JPH2: variants seen among roughly 807,000 people sequenced by gnomAD.
JPH2 encodes junctophilin 2.
Under a neutral mutation model 55.9 loss-of-function variants are expected in JPH2, and 38 were observed. The observed-to-expected ratio is 0.68, with a 90% CI of 0.52 to 0.89. The LOEUF (loss-of-function observed/expected upper bound fraction) is 0.89. Among genes scored for constraint, JPH2 ranks in the 40% least tolerant of loss-of-function variants. The pLI, the probability that JPH2 is intolerant of heterozygous loss-of-function variation, is 0.00. For missense variants in JPH2, 964 were observed against 1,037.6 expected, an observed-to-expected ratio of 0.93 and a Z score of 0.97; for synonymous variants, 480 against 472.4, an observed-to-expected ratio of 1.02 and a Z score of -0.21.
intron 1 of JPH2, among the ~76,000 whole-genome samples, chr20:44,168,721 G>A (rs756070376): frequency 6.6e-6 from 1 of 152,212 alleles, no homozygotes. Context: ...CAAGTTAAAA[G>A]TTCCAAAATT....
At chr20:44,145,994 T>C (rs1373743741) in intron 2 of JPH2, among the ~76,000 whole-genome samples, 1 of 151,952 alleles carries the variant, frequency 6.6e-6, no homozygotes, top group African/African-American at 2.4e-5. Flanking sequence ...CACTCCAAGG[T>C]TGGAAGGCCT....
At chr20:44,164,446 A>G (rs1009794038) in intron 1 of JPH2, among the ~76,000 whole-genome samples, 1 of 152,240 alleles carries the variant, frequency 6.6e-6, no homozygotes, top group African/African-American at 2.4e-5. Context: ...AAATAAGACA[A>G]CAAAAAATGG....
chr20:44,110,198 GCCC>G lies in JPH2; in HGVS notation c.*3317_*3319del, dbSNP rs988291571. On this transcript the variant is annotated 3_prime_UTR_variant, in exon 6 of 6. Coordinates refer to ENST00000372980, the MANE Select transcript of JPH2 (RefSeq NM_020433.5). ...AAGTGAGTTCAATACAGCCACCCCT[GCCC>G]CCAACTCATCCAACACACACACATA... 1.1e-4 allele frequency among the ~76,000 whole-genome samples: 17 copies of G among 151,736 alleles called. No homozygotes were observed. The highest frequency in any genetic ancestry group is 4.1e-4 in the African/African-American group (17 of 41,284).
chr20:44,115,877 C>T lies in JPH2; in HGVS notation c.1798G>A (p.Ala600Thr), dbSNP rs777312604. Residue 600 changes from alanine (A) to threonine (T), a missense_variant, in exon 4 of 6, where the codon GCC (alanine) becomes ACC (threonine). By Grantham distance (58) the Ala-to-Thr change is moderately conservative. Transcript: ENST00000372980. ...SGSESAPSSP[A>T]TAPLQAPTLR... ...GTGGGGGCCTGCAGCGGGGCGGTGG[C>T]CGGGGACGAGGGCGCGGACTCGGAC... 2.5e-6 allele frequency: 4 copies of T among 1,583,630 alleles called. No homozygotes were observed. The South Asian group carries it at 3.3e-5, about 13-fold the overall frequency.
rs546388543 is a variant in JPH2 at position 44,161,888 on chromosome 20, C to T, written c.380-1481G>A. ...CCCCAAATATATCCCCAACCCCTCC[C>T]TCTCCCTTCGGTAGCTCCAGATGTC... On this transcript the variant is annotated intron_variant, in intron 1 of 5. Transcript: ENST00000372980. Among the ~76,000 whole-genome samples, 4 of 152,268 alleles carry T rather than the reference C, an allele frequency of 2.6e-5. No homozygotes were observed. In the South Asian group the frequency reaches 8.3e-4, roughly 32 times the overall value.
chr20:44,177,797 C>T (rs2072747105), intron 1 of JPH2: 2 of 1,548,438 alleles, frequency 1.3e-6, no homozygotes, highest in Non-Finnish European at 1.8e-6. Context: ...AAATATCCTC[C>T]CGAAGACAGT....
chr20:44,114,275 A>G (rs1390958692), intron 5 of JPH2, among the ~76,000 whole-genome samples: 1 of 152,200 alleles, frequency 6.6e-6, no homozygotes, highest in African/African-American at 2.4e-5. Flanking sequence ...TAAAGACTGA[A>G]GTGGGGAAGA....
chr20:44,140,685 G>C (rs2072450030), intron 2 of JPH2, among the ~76,000 whole-genome samples: 2 of 151,756 alleles, frequency 1.3e-5, no homozygotes, highest in Non-Finnish European at 2.9e-5. Flanking sequence ...TTCTCCCTGG[G>C]GTGATCGCTG....
Position 44,115,968 on chromosome 20 carries a change from A to T in JPH2, c.1707T>A (p.Tyr569Ter). Reference protein sequence around the residue: ...EVALYQGYHSYAVRTTPPEPP... With the variant: ...EVALYQGYHS ...GCTCGGGCGGCGTGGTGCGCACAGC[A>T]TAGCTGTGGTAGCCCTGGTAAAGCG... The change falls in exon 4 of 6, where the codon TAT becomes TAA. Residue 569 changes from tyrosine (Y) to a stop codon, truncating the protein, a stop_gained. Transcript: ENST00000372980. LOFTEE classifies it high-confidence loss of function. 1 of 1,576,234 alleles carries T rather than the reference A, an allele frequency of 6.3e-7. No individual in the cohort carries two copies.
chr20:44,140,254 A>G (rs1000048351), intron 2 of JPH2, among the ~76,000 whole-genome samples: 1 of 152,132 alleles, frequency 6.6e-6, no homozygotes, highest in Non-Finnish European at 1.5e-5. Flanking sequence ...CTGTCTTTAT[A>G]TCCATCCCAG....
At chr20:44,130,568 C>G (rs1027916292) in intron 2 of JPH2, among the ~76,000 whole-genome samples, 2 of 152,256 alleles carry the variant, frequency 1.3e-5, no homozygotes, top group Admixed American at 1.3e-4. Context: ...CACCAACCAA[C>G]AGAGTAGTGG....
intron 1 of JPH2, among the ~76,000 whole-genome samples, chr20:44,168,462 A>G (rs775442098): frequency 1.4e-4 from 22 of 152,228 alleles, no homozygotes; most frequent in Non-Finnish European, 2.5e-4. Context: ...AGTTACATAC[A>G]TAGTTCATAT....
rs1432779166 is a variant in JPH2 at position 44,160,513 on chromosome 20, G to A, written c.380-106C>T. ...GGAGTGGGCAAGGCGGGGTGGGACC[G>A]AGAGGCGCAAGGCCGTCTGAGGGTC... is the stretch of plus-strand genomic sequence containing the variant. On this transcript the variant is annotated intron_variant, in intron 1 of 5. Transcript: ENST00000372980. The surrounding 1 kb of genome is among the most constrained non-coding windows in gnomAD (Gnocchi z 4.9). 7.4e-6 allele frequency: 9 copies of A among 1,209,834 alleles called. No homozygotes were observed. In the Admixed American group the frequency reaches 9.8e-5, roughly 13 times the overall value. 74.9% of individuals were successfully genotyped at this position (1,209,834 alleles called of 1,614,324 possible). A position where few individuals can be genotyped will look rare whatever the true frequency, so the allele number is the denominator to read the frequency against.
intron 1 of JPH2, chr20:44,177,534 G>T (rs913797846): frequency 4.6e-6 from 5 of 1,090,016 alleles, no homozygotes; most frequent in Non-Finnish European, 5.6e-6. Context: ...GGTCTGCTGT[G>T]CTCTCCTGGG....
At chr20:44,126,201 A>AGGAG (rs2072275955) in intron 2 of JPH2, among the ~76,000 whole-genome samples, 1 of 100,960 alleles carries the variant, frequency 9.9e-6, no homozygotes, top group African/African-American at 3.8e-5. Context: ...GGAGGAAGGA[A>AGGAG]GGAAGAAGGG....
chr20:44,118,803 T>C (rs139378549), intron 2 of JPH2, among the ~76,000 whole-genome samples, 180 bp from the exon 3 acceptor site: 4 of 151,846 alleles, frequency 2.6e-5, no homozygotes, highest in Admixed American at 6.6e-5. Context: ...TTTCTTCTTC[T>C]TTCTGAGCAC....
At chr20:44,177,802 G>T (rs1453136782) in intron 1 of JPH2, 29 of 1,560,698 alleles carry the variant, frequency 1.9e-5, no homozygotes, top group Non-Finnish European at 2.5e-5. Flanking sequence ...TCCTCCCGAA[G>T]ACAGTGACAG....
chr20:44,176,786 C>T, intron 1 of JPH2: 1 of 821,868 alleles, frequency 1.2e-6, no homozygotes, highest in Non-Finnish European at 1.5e-6. Flanking sequence ...AGAGCAAGAC[C>T]CTGTTAAAAA....
rs2072131778 is a variant in JPH2, at chr20:44,110,111, C to T, written c.*3407G>A. 6.6e-6 allele frequency among the ~76,000 whole-genome samples: 1 copy of T among 152,124 alleles called. No individual in the cohort carries two copies. Among genetic ancestry groups the T allele is most frequent in the Non-Finnish European group, 1.5e-5 (1 of 68,006 alleles). Reference sequence around the variant, plus strand: ...CAGGGGGTGCTGTCTCCGACTAACCCTACCTGGCTCTGAGTCTCCAAACCT... The same window carrying T: ...CAGGGGGTGCTGTCTCCGACTAACCTTACCTGGCTCTGAGTCTCCAAACCT... On this transcript the variant is annotated 3_prime_UTR_variant, in exon 6 of 6. Transcript: ENST00000372980.
Sources: allele counts gnomAD v4.1 joint callset (sites outside exome capture counted in the v4.1 genomes callset), GRCh38; gene constraint gnomAD v4.1.1; non-coding constraint Gnocchi (gnomAD v3.1); transcripts MANE v1.5; gene names NCBI Gene and HGNC (gene_info 2026-07-23, HGNC 2026-07-21).